SUPT3H: variants seen among roughly 807,000 people sequenced by gnomAD.
SUPT3H encodes the protein transcription initiation protein SPT3 homolog.
SUPT3H carries 44 observed loss-of-function variants against 44.3 expected under a neutral mutation model. The ratio of observed to expected loss-of-function variants is 0.99; its 90% CI spans 0.78 to 1.28. SUPT3H has a LOEUF of 1.28. Among genes scored for constraint, SUPT3H ranks in the 50% most tolerant of loss-of-function variants. SUPT3H has a pLI of 0.00. For synonymous variants in SUPT3H, 124 were observed against 125.6 expected, an observed-to-expected ratio of 0.99 and a Z score of 0.09; for missense variants, 380 against 387.1, an observed-to-expected ratio of 0.98 and a Z score of 0.15.
chr6:45,128,535 T>TAC (rs1802854162), intron 2 of SUPT3H, among the ~76,000 whole-genome samples: 4 of 43,602 alleles, frequency 9.2e-5, no homozygotes, highest in African/African-American at 3.3e-4. Context: ...AAAAAAAAAA[T>TAC]ATATATATAT....
intron 2 of SUPT3H, among the ~76,000 whole-genome samples, chr6:45,298,000 T>A (rs1267830445): frequency 1.3e-5 from 2 of 152,216 alleles, no homozygotes; most frequent in East Asian, 1.9e-4. Context: ...GCCACCAAGC[T>A]GATAATTTGT....
intron 2 of SUPT3H, among the ~76,000 whole-genome samples, chr6:45,131,505 T>C (rs1266913880): frequency 6.6e-6 from 1 of 152,138 alleles, no homozygotes; most frequent in Non-Finnish European, 1.5e-5. Flanking sequence ...ATGTAACCAC[T>C]GTACCTCAAG....
At position 45,310,022 on chromosome 6, in the gene SUPT3H, GA is replaced by G. The variant is rs574966627; in HGVS notation, c.101+55178del. ...CTGGGAGACACCTCAAATACTCTGG[GA>G]AGTGGAAAGCCTCTGGTAAGTTTTC... On this transcript the variant is annotated intron_variant, in intron 2 of 10. Coordinates refer to ENST00000371459, the MANE Select transcript of SUPT3H (RefSeq NM_003599.4). Among the ~76,000 whole-genome samples, 666 of 152,298 alleles carry G rather than the reference GA, an allele frequency of 4.4e-3. 3 individuals are homozygous for G. Among genetic ancestry groups the G allele is most frequent in the Non-Finnish European group, 7.0e-3 (473 of 68,028 alleles).
In SUPT3H at chr6:45,344,319, C is replaced by T. The variant is rs181988773; in HGVS notation, c.101+20882G>A. ...CTTCATTTATACTTGGCCTAAACTTCCCCTTGTCTGTATACTTATTTTTGC... is the reference window on the plus strand; with the variant it reads ...CTTCATTTATACTTGGCCTAAACTTTCCCTTGTCTGTATACTTATTTTTGC... On this transcript the variant is annotated intron_variant, in intron 2 of 10. Transcript: ENST00000371459. Among the ~76,000 whole-genome samples, 5 of 152,254 alleles carry T rather than the reference C, an allele frequency of 3.3e-5. No individual in the cohort carries two copies. In the East Asian group the frequency reaches 9.6e-4, roughly 29 times the overall value.
At chr6:45,259,717 AAACTAGT>A (rs954802754) in intron 2 of SUPT3H, among the ~76,000 whole-genome samples, 77 of 152,184 alleles carry the variant, frequency 5.1e-4, no homozygotes, top group African/African-American at 1.7e-3. Context: ...AGCCATGTAA[AAACTAGT>A]AACTCTGGTG....
At chr6:45,118,203 G>A (rs530608520) in intron 2 of SUPT3H, among the ~76,000 whole-genome samples, 2 of 152,108 alleles carry the variant, frequency 1.3e-5, no homozygotes, top group African/African-American at 2.4e-5. Context: ...GAAAAGATCA[G>A]TATGTACTTG....
chr6:45,318,026 T>C (rs548072498), intron 2 of SUPT3H, among the ~76,000 whole-genome samples: 2 of 152,254 alleles, frequency 1.3e-5, no homozygotes, highest in African/African-American at 4.8e-5. Flanking sequence ...TTTCAGGTGA[T>C]GAGAGCCTCA....
At chr6:45,028,896 C>CAAAAAAAAA (rs57234806) in intron 3 of SUPT3H, among the ~76,000 whole-genome samples, 6 of 71,050 alleles carry the variant, frequency 8.4e-5, no homozygotes, top group East Asian at 4.0e-4. Flanking sequence ...AAACAGTTGC[C>CAAAAAAAAA]AAAAAAAAAA....
intron 2 of SUPT3H, among the ~76,000 whole-genome samples, chr6:45,305,877 C>T (rs1383064149): frequency 6.6e-6 from 1 of 152,228 alleles, no homozygotes; most frequent in Non-Finnish European, 1.5e-5. Context: ...TTCATATTCC[C>T]TGGGCTAAAA....
intron 10 of SUPT3H, among the ~76,000 whole-genome samples, chr6:44,913,660 A>T (rs1183110534): frequency 6.6e-6 from 1 of 152,200 alleles, no homozygotes; most frequent in Non-Finnish European, 1.5e-5. Context: ...CTGCAACTCT[A>T]CAAAAGCATC....
chr6:44,819,034 T>C (rs1767099646), intron 11 of SUPT3H, among the ~76,000 whole-genome samples: 1 of 152,184 alleles, frequency 6.6e-6, no homozygotes. Flanking sequence ...TTCAGAGCAA[T>C]TTTATTTTTA....
At chr6:45,296,756 A>AT (rs1351571813) in intron 2 of SUPT3H, among the ~76,000 whole-genome samples, 5 of 146,268 alleles carry the variant, frequency 3.4e-5, no homozygotes, top group African/African-American at 1.3e-4. Context: ...AAAAAAAAAA[A>AT]AAAAAAAATT....
chr6:45,342,680 T>C (rs1790044587), intron 2 of SUPT3H, among the ~76,000 whole-genome samples: 1 of 152,154 alleles, frequency 6.6e-6, no homozygotes, highest in African/African-American at 2.4e-5. Context: ...TATTTGCCAA[T>C]ATTTTTCAAT....
intron 3 of SUPT3H, among the ~76,000 whole-genome samples, chr6:45,103,072 A>T (rs910081426): frequency 6.6e-6 from 1 of 152,250 alleles, no homozygotes; most frequent in Non-Finnish European, 1.5e-5. Context: ...TGTCATGACT[A>T]CATGATATTC....
At chr6:45,125,827 CAA>C (rs5875911) in intron 2 of SUPT3H, among the ~76,000 whole-genome samples, 1 of 147,348 alleles carries the variant, frequency 6.8e-6, no homozygotes, top group African/African-American at 2.5e-5. Flanking sequence ...AAACTATTAC[CAA>C]AAAAAAAAAA....
intron 2 of SUPT3H, among the ~76,000 whole-genome samples, chr6:45,268,199 TGACAGA>T (rs1775557049): frequency 6.6e-6 from 1 of 152,200 alleles, no homozygotes; most frequent in Non-Finnish European, 1.5e-5. Context: ...TGCTATGACA[TGACAGA>T]CTCAGAGACC....
chr6:45,002,458 C>T (rs576363216), intron 6 of SUPT3H, among the ~76,000 whole-genome samples: 1 of 151,864 alleles, frequency 6.6e-6, no homozygotes, highest in South Asian at 2.1e-4. Context: ...TTCTCAGTGG[C>T]CATTTTTATA....
At chr6:45,328,594 T>C (rs1786820310) in intron 2 of SUPT3H, 16 of 1,590,938 alleles carry the variant, frequency 1.0e-5, no homozygotes, top group Non-Finnish European at 1.4e-5. Context: ...AAAATAAATA[T>C]AAAGTCTATG....
At chr6:44,974,086 A>G (rs190561435) in intron 6 of SUPT3H, among the ~76,000 whole-genome samples, 222 of 152,254 alleles carry the variant, frequency 1.5e-3, no homozygotes, top group African/African-American at 5.1e-3. Context: ...GTTGCTAAGC[A>G]ATGTGTGCTG....
Sources: gnomAD v4.1 joint callset for allele counts (sites outside exome capture counted in the v4.1 genomes callset) on GRCh38, gnomAD v4.1.1 for gene constraint, MANE v1.5 for transcripts, NCBI Gene and HGNC (gene_info 2026-07-23, HGNC 2026-07-21) for gene names.